Variants in SPAST observed in about 807,000 individuals in gnomAD.
SPAST encodes the protein spastin.
A neutral mutation model predicts 76.6 loss-of-function variants in SPAST; 30 were observed. The ratio of observed to expected loss-of-function variants is 0.39; its 90% CI spans 0.29 to 0.53. The LOEUF (loss-of-function observed/expected upper bound fraction) is 0.53, where lower values mean the gene tolerates loss of function less well. SPAST is among the 20% of genes least tolerant of loss of function. The pLI is 0.68. For synonymous variants in SPAST, 305 were observed against 281.0 expected, an observed-to-expected ratio of 1.09 and a Z score of -0.86; for missense variants, 717 against 770.5, an observed-to-expected ratio of 0.93 and a Z score of 0.82.
intron 4 of SPAST, among the ~76,000 whole-genome samples, chr2:32,113,536 T>C (rs1180708072): frequency 1.3e-5 from 2 of 151,728 alleles, no homozygotes; most frequent in African/African-American, 4.8e-5. Flanking sequence ...TGTTTCTTAT[T>C]TGAGAGCTTT....
In SPAST at chr2:32,154,386, C is replaced by T. The variant is rs778023258; in HGVS notation, c.1741C>T (p.Arg581Ter). 2 of 1,612,466 alleles carry T rather than the reference C, an allele frequency of 1.2e-6. No homozygotes were observed. Among genetic ancestry groups the T allele is most frequent in the Non-Finnish European group, 1.7e-6 (2 of 1,178,664 alleles). The part of the protein sequence containing the change: ...NMSASEMRNI[R>*]LSDFTESLKK... ...TTTAAAAATCTAGATGAGAAATATT[C>T]GATTATCTGACTTCACTGAATCCTT... The change falls in exon 17 of 17, where the codon CGA becomes TGA. Residue 581 changes from arginine (R) to a stop codon, truncating the protein, a stop_gained. Coordinates refer to ENST00000315285, the MANE Select transcript of SPAST (RefSeq NM_014946.4). LOFTEE classifies it high-confidence loss of function.
At chr2:32,126,152 C>G (rs1167568631) in intron 7 of SPAST, among the ~76,000 whole-genome samples, 1 of 152,188 alleles carries the variant, frequency 6.6e-6, no homozygotes, top group Non-Finnish European at 1.5e-5. Context: ...TTCTGTGGTG[C>G]CTGATAACAT....
chr2:32,103,119 TATTA>T (rs1455856033), intron 4 of SPAST, among the ~76,000 whole-genome samples: 1 of 152,222 alleles, frequency 6.6e-6, no homozygotes, highest in African/African-American at 2.4e-5. Flanking sequence ...GTTAGTAGGC[TATTA>T]ATTATTGCCT....
intron 11 of SPAST, 30 bp downstream of exon 11, chr2:32,136,998 G>A: frequency 6.4e-7 from 1 of 1,555,134 alleles, no homozygotes; most frequent in Admixed American, 1.7e-5. Flanking sequence ...TTTTTAATGT[G>A]GCAGCATTTT....
At chr2:32,121,168 G>T (rs369777734) in intron 7 of SPAST, among the ~76,000 whole-genome samples, 2 of 151,806 alleles carry the variant, frequency 1.3e-5, no homozygotes, top group East Asian at 1.9e-4. Flanking sequence ...GTGGGGGCAG[G>T]GGGGAAGGAG....
chr2:32,128,063 C>T lies in SPAST; in HGVS notation c.1174-345C>T, dbSNP rs190504401. 783 of 300,518 alleles carry T rather than the reference C, an allele frequency of 2.6e-3. 4 individuals are homozygous for T. Among genetic ancestry groups the T allele is most frequent in the Non-Finnish European group, 3.9e-3 (606 of 154,470 alleles). The allele number at this position is 300,518 out of a possible 1,614,324, so 18.6% of individuals were successfully genotyped here. On this transcript the variant is annotated intron_variant, in intron 8 of 16. Coordinates refer to ENST00000315285, the MANE Select transcript of SPAST (RefSeq NM_014946.4). ...AAGCTGGAGTGCAGTGATGTGATCT[C>T]GGCTCACTACCATCTCTTCCTTCTG...
At position 32,147,251 on chromosome 2, in the gene SPAST, C is replaced by T. The variant is rs756374600; in HGVS notation, c.1721C>T (p.Ala574Val). 1.9e-6 allele frequency: 3 copies of T among 1,601,636 alleles called. No homozygotes were observed. Among genetic ancestry groups the T allele is most frequent in the Non-Finnish European group, 1.7e-6 (2 of 1,169,610 alleles). ...LKPEQVKNMSASEMRNIRLSD... is the reference protein window; with the variant it reads ...LKPEQVKNMSVSEMRNIRLSD... Reference sequence around the variant, plus strand: ...CCAGAACAGGTGAAGAATATGTCTGCCAGTGAGGTATAGTATTTTACAATG... The same window carrying T: ...CCAGAACAGGTGAAGAATATGTCTGTCAGTGAGGTATAGTATTTTACAATG... Residue 574 changes from alanine (A) to valine (V), a missense_variant, in exon 16 of 17, where the codon GCC becomes GTC. This residue lies in a region of SPAST where 96 missense variants were observed against 127.6 expected (regional missense o/e 0.75). Transcript: ENST00000315285.
intron 4 of SPAST, among the ~76,000 whole-genome samples, chr2:32,101,807 G>T (rs927058082): frequency 1.3e-5 from 2 of 152,180 alleles, no homozygotes; most frequent in Admixed American, 6.5e-5. Context: ...TTATTTCTGA[G>T]GGCTCTGTTC....
intron 7 of SPAST, among the ~76,000 whole-genome samples, chr2:32,118,061 C>G (rs1035842780): frequency 1.3e-5 from 2 of 152,052 alleles, no homozygotes; most frequent in African/African-American, 4.8e-5. Flanking sequence ...AATAATATTG[C>G]AAAAAATAAA....
At chr2:32,093,858 C>T (rs903338621) in intron 3 of SPAST, among the ~76,000 whole-genome samples, 1 of 151,966 alleles carries the variant, frequency 6.6e-6, no homozygotes, top group Non-Finnish European at 1.5e-5. Context: ...GCCAATTTGC[C>T]GACATCAAAA....
chr2:32,147,194 G>A (rs763791817), intron 15 of SPAST, 24 bp from the exon 16 acceptor site: 32 of 1,589,038 alleles, frequency 2.0e-5, no homozygotes, highest in Admixed American at 5.0e-5. Flanking sequence ...GTATTTTTAA[G>A]TGCCTGACTT....
chr2:32,141,972 T>C, intron 13 of SPAST, 26 bp downstream of exon 13: 1 of 1,592,644 alleles, frequency 6.3e-7, no homozygotes. Context: ...TGAATTTTTT[T>C]TGTTTTAGAG....
chr2:32,078,890 C>T (rs1677083715), intron 1 of SPAST, among the ~76,000 whole-genome samples: 1 of 151,968 alleles, frequency 6.6e-6, no homozygotes, highest in Non-Finnish European at 1.5e-5. Context: ...TTGTTTTTGT[C>T]ACCCAGGTTG....
chr2:32,123,216 C>T (rs913133228), intron 7 of SPAST, among the ~76,000 whole-genome samples: 12 of 151,540 alleles, frequency 7.9e-5, no homozygotes, highest in Non-Finnish European at 1.5e-4. Context: ...GAGCCAAGAT[C>T]GCGCCATTGC....
rs566243526 is a variant in SPAST at position 32,102,006 on chromosome 2, G to T, written c.682+3115G>T. Among the ~76,000 whole-genome samples, 1,452 of 152,194 alleles carry T rather than the reference G, an allele frequency of 9.5e-3. 26 individuals are homozygous for T. Among genetic ancestry groups the T allele is most frequent in the South Asian group, 0.05 (242 of 4,828 alleles). On this transcript the variant is annotated intron_variant, in intron 4 of 16. Transcript: ENST00000315285. ...CTTTAAAGTAGTTTTTTCCAATTCTGTGAAGAAAGTCATTTGTAGCTTGAT... is the reference window on the plus strand; with the variant it reads ...CTTTAAAGTAGTTTTTTCCAATTCTTTGAAGAAAGTCATTTGTAGCTTGAT...
intron 4 of SPAST, among the ~76,000 whole-genome samples, chr2:32,101,113 C>G (rs867822443): frequency 6.6e-6 from 1 of 152,176 alleles, no homozygotes; most frequent in South Asian, 2.1e-4. Context: ...CACATCCTCT[C>G]CAGCACCTGT....
rs757876643 is a variant in SPAST, at chr2:32,141,884, T to C, written c.1494-20T>C. On this transcript the variant is annotated intron_variant, in intron 12 of 16. Coordinates refer to ENST00000315285, the MANE Select transcript of SPAST (RefSeq NM_014946.4). ...AAATTCAAAATTATATTTCTAAAAGTGCTGGATTTTTTTTTTTAGGCGTTT... is the reference window on the plus strand; with the variant it reads ...AAATTCAAAATTATATTTCTAAAAGCGCTGGATTTTTTTTTTTAGGCGTTT... The C allele has an allele frequency of 6.3e-7, 1 of 1,597,590 alleles. No homozygotes were observed. Among genetic ancestry groups the C allele is most frequent in the African/African-American group, 1.3e-5 (1 of 74,668 alleles).
chr2:32,143,378 A>T lies in SPAST; in HGVS notation c.1579A>T (p.Ser527Cys). ...LLKNLLCKQG[S>C]PLTQKELAQL... Reference sequence around the variant, plus strand: ...TAAAAATCTGTTATGTAAACAAGGAAGTCCATTGACCCAAAAAGAACTAGC... The same window carrying T: ...TAAAAATCTGTTATGTAAACAAGGATGTCCATTGACCCAAAAAGAACTAGC... The change falls in exon 14 of 17, where the codon AGT (serine) becomes TGT (cysteine). Residue 527 changes from serine to cysteine, a missense_variant. By Grantham distance (112) the Ser-to-Cys change is moderately radical (BLOSUM62 -1). This residue lies in a region of SPAST where 96 missense variants were observed against 127.6 expected (regional missense o/e 0.75). Transcript: ENST00000315285. 1 of 1,610,190 alleles carries T rather than the reference A, an allele frequency of 6.2e-7. No individual in the cohort carries two copies. Among genetic ancestry groups the T allele is most frequent in the Non-Finnish European group, 8.5e-7 (1 of 1,176,908 alleles).
rs781338315 is a variant in SPAST at position 32,116,078 on chromosome 2, C to T, written c.1005-41C>T. 3.6e-6 allele frequency: 5 copies of T among 1,392,230 alleles called. No homozygotes were observed. The South Asian group carries it at 5.8e-5, about 16-fold the overall frequency. The allele number at this position is 1,392,230 out of a possible 1,614,324, so 86.2% of individuals were successfully genotyped here. A position where few individuals can be genotyped will look rare whatever the true frequency, so the allele number is the denominator to read the frequency against. The stretch of plus-strand genomic sequence containing the variant: ...AGGCTTCATCTTGTAATAACTGGGC[C>T]CTGTTTGTATCGTAGAACTAACTGA... On this transcript the variant is annotated intron_variant, in intron 6 of 16. Coordinates refer to ENST00000315285, the MANE Select transcript of SPAST (RefSeq NM_014946.4).
Sources: allele counts gnomAD v4.1 joint callset (sites outside exome capture counted in the v4.1 genomes callset), GRCh38; gene constraint gnomAD v4.1.1; regional missense constraint gnomAD v4.1.1; transcripts MANE v1.5; gene names NCBI Gene and HGNC (gene_info 2026-07-23, HGNC 2026-07-21).